Variants in DRC8 observed in about 807,000 individuals in gnomAD.
DRC8 encodes dynein regulatory complex subunit 8.
the DRC8 span, among the ~76,000 whole-genome samples, chr1:245,064,763 C>T: frequency 7.9e-5 from 12 of 152,166 alleles, no homozygotes; most frequent in Non-Finnish European, 1.8e-4. Flanking sequence ...TCTTCATGTT[C>T]CTGGTAATGC....
chr1:245,044,689 C>T, the DRC8 span, among the ~76,000 whole-genome samples: 2 of 152,032 alleles, frequency 1.3e-5, no homozygotes, highest in Admixed American at 6.6e-5. Context: ...GCCTCAGCCT[C>T]CTTAGTAGGT....
the DRC8 span, among the ~76,000 whole-genome samples, chr1:244,974,923 AT>A: frequency 5.4e-5 from 8 of 148,500 alleles, no homozygotes; most frequent in Non-Finnish European, 1.0e-4. Context: ...CAAACTCTTT[AT>A]TTTTTTTATT....
chr1:245,004,530 A>T, the DRC8 span, among the ~76,000 whole-genome samples: 1 of 151,846 alleles, frequency 6.6e-6, no homozygotes, highest in East Asian at 1.9e-4. Flanking sequence ...GGCATGTACC[A>T]CCACACTCAG....
chr1:244,977,102 G>A, the DRC8 span, among the ~76,000 whole-genome samples: 1 of 152,222 alleles, frequency 6.6e-6, no homozygotes, highest in Admixed American at 6.5e-5. Flanking sequence ...CATGGAGACA[G>A]AAAGTAGATT....
At chr1:244,985,788 C>T in the DRC8 span, among the ~76,000 whole-genome samples, 4 of 150,718 alleles carry the variant, frequency 2.7e-5, no homozygotes, top group East Asian at 2.0e-4. Context: ...TGCTTGAACC[C>T]GGGAGGCAGA....
the DRC8 span, among the ~76,000 whole-genome samples, chr1:245,038,300 C>A: frequency 6.6e-5 from 10 of 152,138 alleles, no homozygotes; most frequent in Non-Finnish European, 1.5e-4. Flanking sequence ...GAAACCTTGT[C>A]TCTACGAAAA....
the DRC8 span, among the ~76,000 whole-genome samples, chr1:245,105,640 A>AAAAAAAC: frequency 6.8e-6 from 1 of 148,038 alleles, no homozygotes; most frequent in Admixed American, 6.8e-5. Flanking sequence ...AAAAAAAAAC[A>AAAAAAAC]AAAAACAAAA....
the DRC8 span, among the ~76,000 whole-genome samples, chr1:245,093,408 GA>G: frequency 1.2e-3 from 181 of 152,068 alleles, no homozygotes; most frequent in African/African-American, 4.0e-3. Context: ...TCTTAAAAAA[GA>G]AAAATCAGGC....
At chr1:244,984,130 G>T in the DRC8 span, among the ~76,000 whole-genome samples, 2,795 of 150,410 alleles carry the variant, frequency 0.019, 99 homozygotes, top group African/African-American at 0.064. Flanking sequence ...AATTTTTTTG[G>T]GGGGGGGGAA....
the DRC8 span, among the ~76,000 whole-genome samples, chr1:245,042,318 G>C: frequency 6.6e-6 from 1 of 152,182 alleles, no homozygotes; most frequent in African/African-American, 2.4e-5. Flanking sequence ...TAGCACATAG[G>C]ACTATATAAG....
At chr1:244,975,483 T>G in the DRC8 span, among the ~76,000 whole-genome samples, 26 of 152,312 alleles carry the variant, frequency 1.7e-4, no homozygotes, top group Non-Finnish European at 3.4e-4. Context: ...TGGGGATAAT[T>G]ATACCCCCAA....
the DRC8 span, among the ~76,000 whole-genome samples, chr1:244,992,998 T>C: frequency 5.3e-5 from 8 of 152,214 alleles, no homozygotes; most frequent in Non-Finnish European, 1.0e-4. Flanking sequence ...GGCCTCAGTT[T>C]CTTGACACAT....
At chr1:245,076,737 GGTTT>G in the DRC8 span, among the ~76,000 whole-genome samples, 33 of 123,266 alleles carry the variant, frequency 2.7e-4, 1 homozygote, top group Admixed American at 2.3e-3. Flanking sequence ...TTTTTTTTTT[GGTTT>G]GTTTGTGTTT....
the DRC8 span, among the ~76,000 whole-genome samples, chr1:245,033,189 C>G: frequency 1.2e-4 from 19 of 152,304 alleles, no homozygotes; most frequent in African/African-American, 4.6e-4. Flanking sequence ...ACCTGGTGAC[C>G]TTTATGAACC....
At chr1:244,975,628 G>A in the DRC8 span, among the ~76,000 whole-genome samples, 1 of 152,232 alleles carries the variant, frequency 6.6e-6, no homozygotes, top group Admixed American at 6.5e-5. Flanking sequence ...AGAGGCCCAG[G>A]CAGGTGGATC....
At chr1:245,035,199 T>TTA in the DRC8 span, among the ~76,000 whole-genome samples, 87 of 144,386 alleles carry the variant, frequency 6.0e-4, no homozygotes, top group African/African-American at 1.0e-3. Context: ...TTTTTTTTTT[T>TTA]AAACAAATTG....
the DRC8 span, among the ~76,000 whole-genome samples, chr1:245,043,512 T>G: frequency 6.6e-6 from 1 of 152,176 alleles, no homozygotes; most frequent in South Asian, 2.1e-4. Context: ...GAACAGTTGA[T>G]TTTCACTTTC....
the DRC8 span, among the ~76,000 whole-genome samples, chr1:245,069,921 T>C: frequency 1.1e-4 from 17 of 152,092 alleles, no homozygotes; most frequent in African/African-American, 4.1e-4. Context: ...GGTGTGTGCC[T>C]ATAGTCCCAG....
chr1:244,970,379 T>G, the DRC8 span: 7 of 1,533,500 alleles, frequency 4.6e-6, no homozygotes, highest in Middle Eastern at 1.7e-4. Context: ...CGGCCGAGGT[T>G]ATCGTTAGGC....
Sources: allele counts gnomAD v4.1 joint callset (sites outside exome capture counted in the v4.1 genomes callset), GRCh38; gene constraint gnomAD v4.1.1; transcripts MANE v1.5; gene names NCBI Gene and HGNC (gene_info 2026-07-23, HGNC 2026-07-21).